Variants in ZRANB1 observed in about 807,000 individuals in gnomAD.
The protein encoded by ZRANB1 is ubiquitin thioesterase ZRANB1.
In ZRANB1, 16 loss-of-function variants were observed where a neutral mutation model predicts 80.5. The observed-to-expected ratio is 0.20, with a 90% confidence interval of 0.13 to 0.30. ZRANB1 has a LOEUF of 0.30. Ranked by LOEUF, ZRANB1 falls within the 10% of genes least tolerant of loss-of-function variation. The probability of loss-of-function intolerance (pLI) is 1.00; values close to 1 mark genes in which losing one functional copy is unlikely to be tolerated. For missense variants in ZRANB1, 576 were observed against 862.6 expected, an observed-to-expected ratio of 0.67 and a Z score of 4.16; for synonymous variants, 291 against 293.1, an observed-to-expected ratio of 0.99 and a Z score of 0.07.
upstream of ZRANB1, chr10:124,940,503 A>T (rs951855236): frequency 7.8e-7 from 1 of 1,288,696 alleles, no homozygotes. Flanking sequence ...CTTTTATTCT[A>T]ATCATGTGCA....
In ZRANB1 at chr10:124,942,400, C is replaced by A; in HGVS notation, c.-94C>A. Reference sequence around the variant, plus strand: ...GTTGAAGGACTTGCTTTTTGGGCAGCGTATTTTTGGAGGTGGAATGTAGTT... The same window carrying A: ...GTTGAAGGACTTGCTTTTTGGGCAGAGTATTTTTGGAGGTGGAATGTAGTT... On this transcript the variant is annotated 5_prime_UTR_variant, in exon 1 of 9. Coordinates refer to ENST00000359653, the MANE Select transcript of ZRANB1 (RefSeq NM_017580.3). The A allele has an allele frequency of 1.3e-6, 2 of 1,537,640 alleles. No homozygotes were observed. The highest frequency in any genetic ancestry group is 1.7e-6 in the Non-Finnish European group (2 of 1,143,622).
chr10:124,923,998 T>C, the ZRANB1 span, among the ~76,000 whole-genome samples: 1 of 150,134 alleles, frequency 6.7e-6, no homozygotes, highest in Non-Finnish European at 1.5e-5. Flanking sequence ...AAACTGTCCC[T>C]CTCACTCCTG....
In ZRANB1 at chr10:124,976,052, C is replaced by G. The variant is rs189325462; in HGVS notation, c.1427+1654C>G. Among the ~76,000 whole-genome samples, 12 of 152,182 alleles carry G rather than the reference C, an allele frequency of 7.9e-5. No individual in the cohort carries two copies. In the East Asian group the frequency reaches 1.7e-3, roughly 22 times the overall value. Reference sequence around the variant, plus strand: ...ACGTAATAGAGTAACAATTTGTGGGCACATTAGAGAAATAAAATAACTTCC... The same window carrying G: ...ACGTAATAGAGTAACAATTTGTGGGGACATTAGAGAAATAAAATAACTTCC... On this transcript the variant is annotated intron_variant, in intron 5 of 8. Transcript: ENST00000359653.
chr10:124,958,022 G>A (rs1249368261), intron 1 of ZRANB1, among the ~76,000 whole-genome samples: 1 of 152,008 alleles, frequency 6.6e-6, no homozygotes, highest in Non-Finnish European at 1.5e-5. Context: ...GAGCCACTGC[G>A]CCTAGCCAGA....
intron 2 of ZRANB1, among the ~76,000 whole-genome samples, chr10:124,970,309 C>T (rs1443494586): frequency 6.6e-6 from 1 of 151,942 alleles, no homozygotes; most frequent in Non-Finnish European, 1.5e-5. Flanking sequence ...CTCTCTGTTG[C>T]CCAGGGGAGT....
At chr10:124,972,260 T>C (rs1275870260) in intron 3 of ZRANB1, 142 bp downstream of exon 3, 2 of 726,930 alleles carry the variant, frequency 2.8e-6, no homozygotes, top group Non-Finnish European at 4.3e-6. Context: ...GTCTTATATA[T>C]GCTGGAAGTG....
At chr10:124,965,381 T>G (rs74160986) in intron 1 of ZRANB1, among the ~76,000 whole-genome samples, 4,047 of 152,304 alleles carry the variant, frequency 0.027, 158 homozygotes, top group African/African-American at 0.091. Context: ...AAGGACTGTT[T>G]TGAATATTGG....
At chr10:124,952,894 G>A (rs1258505075) in intron 1 of ZRANB1, among the ~76,000 whole-genome samples, 1 of 152,090 alleles carries the variant, frequency 6.6e-6, no homozygotes, top group Non-Finnish European at 1.5e-5. Flanking sequence ...ACAGGCGTGA[G>A]CCACCACGCC....
At chr10:124,917,743 G>C in the ZRANB1 span, among the ~76,000 whole-genome samples, 1 of 152,154 alleles carries the variant, frequency 6.6e-6, no homozygotes, top group Non-Finnish European at 1.5e-5. Context: ...GTGGCCTCCA[G>C]TTGCCATTTG....
At chr10:124,970,845 T>TTTG (rs1951819209) in intron 2 of ZRANB1, among the ~76,000 whole-genome samples, 2 of 142,788 alleles carry the variant, frequency 1.4e-5, no homozygotes, top group Non-Finnish European at 3.0e-5. Flanking sequence ...TTTTTTTTTT[T>TTTG]TTTTTTTTTT....
At chr10:124,917,986 C>T in the ZRANB1 span, among the ~76,000 whole-genome samples, 2 of 152,132 alleles carry the variant, frequency 1.3e-5, no homozygotes, top group Admixed American at 1.3e-4. Flanking sequence ...TGAACCGGCC[C>T]ATTATCTTTG....
chr10:124,945,214 T>C (rs1185401301), intron 1 of ZRANB1: 2 of 152,236 alleles, frequency 1.3e-5, no homozygotes, highest in Non-Finnish European at 2.9e-5. Context: ...AAAAGGAAAC[T>C]ATGTACCCAT....
chr10:124,962,308 C>T (rs911709117), intron 1 of ZRANB1: 49 of 870,784 alleles, frequency 5.6e-5, no homozygotes, highest in Admixed American at 1.9e-4. Context: ...TTGTGCCAGC[C>T]GACTCCAGGT....
chr10:124,922,260 A>AATATATATATATATATAT, the ZRANB1 span, among the ~76,000 whole-genome samples: 1 of 105,966 alleles, frequency 9.4e-6, no homozygotes, highest in African/African-American at 3.7e-5. Flanking sequence ...ATATATGTAA[A>AATATATATATATATATAT]ATATATATAT....
intron 5 of ZRANB1, among the ~76,000 whole-genome samples, chr10:124,974,695 A>T (rs1315535091): frequency 6.6e-6 from 1 of 152,262 alleles, no homozygotes; most frequent in Non-Finnish European, 1.5e-5. Flanking sequence ...AGACACAGGC[A>T]GTATATTTGA....
At position 124,942,748 on chromosome 10, in the gene ZRANB1, A is replaced by G. The variant is rs1951547949; in HGVS notation, c.255A>G (p.Ala85=). 6.2e-7 allele frequency: 1 copy of G among 1,614,252 alleles called. No individual in the cohort carries two copies. Among genetic ancestry groups the G allele is most frequent in the Non-Finnish European group, 8.5e-7 (1 of 1,180,044 alleles). ...AATCTTCGTATAGCATGGAAAATGCAAATAAGTGGTCATGCCACATGTGTA... is the reference window on the plus strand; with the variant it reads ...AATCTTCGTATAGCATGGAAAATGCGAATAAGTGGTCATGCCACATGTGTA... The part of the protein sequence containing the change: ...RVKSSYSMEN[A]NKWSCHMCTY... Residue 85 remains alanine, a synonymous_variant, in exon 1 of 9, where the codon GCA becomes GCG. Transcript: ENST00000359653.
chr10:124,982,568 T>C (rs1234551160), intron 6 of ZRANB1, among the ~76,000 whole-genome samples: 1 of 152,094 alleles, frequency 6.6e-6, no homozygotes, highest in East Asian at 1.9e-4. Flanking sequence ...AGTACAAATA[T>C]ATATACAACT....
rs139419061 is a variant in ZRANB1, at chr10:124,945,081, G to A, written c.814+1774G>A. The A allele has an allele frequency of 4.6e-5, 7 of 152,318 alleles. No individual in the cohort carries two copies. The East Asian group carries it at 1.3e-3, about 29-fold the overall frequency. The allele number at this position is 152,318 out of a possible 1,614,324, so 9.4% of individuals were successfully genotyped here. On this transcript the variant is annotated intron_variant, in intron 1 of 8. Coordinates refer to ENST00000359653, the MANE Select transcript of ZRANB1 (RefSeq NM_017580.3). ...AAGGGTTTTGTTATTAGTTTCCTTAGAGATCAAATTGATTTAACATAAAAA... is the reference window on the plus strand; with the variant it reads ...AAGGGTTTTGTTATTAGTTTCCTTAAAGATCAAATTGATTTAACATAAAAA...
the ZRANB1 span, among the ~76,000 whole-genome samples, chr10:124,936,011 A>T: frequency 1.3e-5 from 2 of 152,342 alleles, no homozygotes; most frequent in East Asian, 3.9e-4. Flanking sequence ...TGAAAACTTC[A>T]TGAAGATGAG....
Sources: gnomAD v4.1 joint callset for allele counts (sites outside exome capture counted in the v4.1 genomes callset) on GRCh38, gnomAD v4.1.1 for gene constraint, MANE v1.5 for transcripts, NCBI Gene and HGNC (gene_info 2026-07-23, HGNC 2026-07-21) for gene names.